GNB4: variants seen among roughly 807,000 people sequenced by gnomAD.
The protein encoded by GNB4 is G protein subunit beta 4, also known as guanine nucleotide-binding protein subunit beta-4.
A neutral mutation model predicts 45.2 loss-of-function variants in GNB4; 28 were observed. The ratio of observed to expected loss-of-function variants is 0.62; its 90% CI spans 0.46 to 0.85. The LOEUF is 0.85. Ranked by LOEUF, GNB4 falls within the 40% of genes least tolerant of loss-of-function variation. The pLI, the probability that GNB4 is intolerant of heterozygous loss-of-function variation, is 0.00. For synonymous variants in GNB4, 132 were observed against 143.7 expected (o/e 0.92, Z 0.58); for missense variants, 321 against 425.4 (o/e 0.75, Z 2.16).
chr3:179,507,807 T>C, the GNB4 span, among the ~76,000 whole-genome samples: 1 of 152,250 alleles, frequency 6.6e-6, no homozygotes, highest in Non-Finnish European at 1.5e-5. Context: ...CATTTAATTA[T>C]TCTCGCGTCT....
chr3:179,413,704 A>C lies in GNB4; in HGVS notation c.497+11T>G, dbSNP rs1714715580. 15 of 1,613,748 alleles carry C rather than the reference A, an allele frequency of 9.3e-6. No individual in the cohort carries two copies. The highest frequency in any genetic ancestry group is 1.3e-5 in the African/African-American group (1 of 74,926). Reference sequence around the variant, plus strand: ...AAACCCATAATCAGTGTGCTTCTGGAATAAACTTACCAAGTTGTATCTCCT... The same window carrying C: ...AAACCCATAATCAGTGTGCTTCTGGCATAAACTTACCAAGTTGTATCTCCT... On this transcript the variant is annotated intron_variant, in intron 7 of 9. Transcript: ENST00000232564.
chr3:179,525,688 G>A, the GNB4 span, among the ~76,000 whole-genome samples: 9 of 152,358 alleles, frequency 5.9e-5, no homozygotes, highest in Middle Eastern at 3.4e-3. Flanking sequence ...CAGCGCCGGA[G>A]TTTTGGGTCC....
chr3:179,512,310 AAAC>A, the GNB4 span, among the ~76,000 whole-genome samples: 3 of 152,234 alleles, frequency 2.0e-5, no homozygotes, highest in Non-Finnish European at 2.9e-5. Context: ...ATGAATTTTA[AAAC>A]AACAACAGTC....
At chr3:179,469,466 C>A in the GNB4 span, among the ~76,000 whole-genome samples, 1 of 152,090 alleles carries the variant, frequency 6.6e-6, no homozygotes, top group East Asian at 1.9e-4. Context: ...GCACAACAAA[C>A]TATGAAAACA....
chr3:179,523,121 G>T, the GNB4 span, among the ~76,000 whole-genome samples: 1 of 152,166 alleles, frequency 6.6e-6, no homozygotes, highest in East Asian at 1.9e-4. Context: ...ACCATGCCTA[G>T]GAAGGAAAGG....
the GNB4 span, among the ~76,000 whole-genome samples, chr3:179,482,663 C>T: frequency 6.6e-6 from 1 of 152,184 alleles, no homozygotes; most frequent in Admixed American, 6.5e-5. Context: ...CCTCTACTGC[C>T]TGTCATCACA....
chr3:179,509,170 C>T, the GNB4 span, among the ~76,000 whole-genome samples: 79,473 of 121,006 alleles, frequency 0.66, 22,601 homozygotes, highest in East Asian at 0.79. Flanking sequence ...TATATACATA[C>T]ACACACACAC....
At chr3:179,497,031 G>A in the GNB4 span, among the ~76,000 whole-genome samples, 15 of 151,988 alleles carry the variant, frequency 9.9e-5, no homozygotes, top group African/African-American at 2.7e-4. Context: ...TGTGAAATTT[G>A]GGATTAATTT....
At chr3:179,494,402 G>C in the GNB4 span, among the ~76,000 whole-genome samples, 2 of 152,078 alleles carry the variant, frequency 1.3e-5, no homozygotes, top group African/African-American at 4.8e-5. Context: ...GCTGGGTGTT[G>C]TGGCACATGC....
the GNB4 span, among the ~76,000 whole-genome samples, chr3:179,503,355 C>T: frequency 1.3e-5 from 2 of 151,902 alleles, no homozygotes; most frequent in Non-Finnish European, 2.9e-5. Flanking sequence ...AATGCAGATA[C>T]AGCAAAATAT....
At chr3:179,520,150 C>CCT in the GNB4 span, among the ~76,000 whole-genome samples, 1 of 61,196 alleles carries the variant, frequency 1.6e-5, no homozygotes, top group Non-Finnish European at 2.6e-5. Context: ...TTCATCCCAG[C>CCT]CTCTCTGCTT....
At chr3:179,417,645 C>T (rs1487383630) in intron 4 of GNB4, among the ~76,000 whole-genome samples, 3 of 152,224 alleles carry the variant, frequency 2.0e-5, no homozygotes, top group East Asian at 3.9e-4. Flanking sequence ...GCTTGGCCTC[C>T]CAAAGTTCTG....
chr3:179,491,172 C>T, the GNB4 span, among the ~76,000 whole-genome samples: 1 of 152,166 alleles, frequency 6.6e-6, no homozygotes, highest in South Asian at 2.1e-4. Flanking sequence ...ACGAAAGGGA[C>T]ATTTTACAAA....
intron 1 of GNB4, among the ~76,000 whole-genome samples, chr3:179,430,799 T>C (rs564040979): frequency 2.0e-5 from 3 of 152,222 alleles, no homozygotes; most frequent in East Asian, 3.9e-4. Context: ...AGTAATCTTA[T>C]ACTTCCAGTA....
intron 1 of GNB4, chr3:179,437,903 CA>C (rs563849716): frequency 6.3e-5 from 9 of 143,834 alleles, no homozygotes; most frequent in Non-Finnish European, 9.2e-5. Flanking sequence ...TCCATCTCTA[CA>C]AAAAAAAAAA....
chr3:179,464,597 C>A, the GNB4 span: 12 of 1,383,854 alleles, frequency 8.7e-6, no homozygotes, highest in Non-Finnish European at 7.2e-6. Context: ...GTCACTCCTA[C>A]GTCCTCAACA....
chr3:179,480,271 AACAG>A, the GNB4 span, among the ~76,000 whole-genome samples: 4 of 152,234 alleles, frequency 2.6e-5, no homozygotes, highest in Non-Finnish European at 4.4e-5. Context: ...AGCAACAGAA[AACAG>A]ACAAAGACAG....
the GNB4 span, among the ~76,000 whole-genome samples, chr3:179,468,148 T>C: frequency 1.3e-5 from 2 of 148,456 alleles, no homozygotes; most frequent in Admixed American, 6.7e-5. Context: ...CAGGGAGCTA[T>C]AATTGTGCCA....
At chr3:179,430,379 T>C (rs1487308430) in intron 1 of GNB4, among the ~76,000 whole-genome samples, 1 of 152,116 alleles carries the variant, frequency 6.6e-6, no homozygotes, top group Non-Finnish European at 1.5e-5. Flanking sequence ...CATAAGTCAC[T>C]GTACCTGGCC....
Sources: gnomAD v4.1 joint callset for allele counts (sites outside exome capture counted in the v4.1 genomes callset) on GRCh38, gnomAD v4.1.1 for gene constraint, MANE v1.5 for transcripts, NCBI Gene and HGNC (gene_info 2026-07-23, HGNC 2026-07-21) for gene names.